GRM5: variants seen among roughly 807,000 people sequenced by gnomAD.
GRM5 encodes the protein metabotropic glutamate receptor 5.
GRM5 carries 19 observed loss-of-function variants against 83.1 expected under a neutral mutation model. The ratio of observed to expected loss-of-function variants is 0.23; its 90% CI spans 0.16 to 0.34. The LOEUF is 0.34. Ranked by LOEUF, GRM5 falls within the 10% of genes least tolerant of loss-of-function variation. The pLI is 1.00. For synonymous variants in GRM5, 675 were observed against 633.6 expected (o/e 1.07, Z -0.98); for missense variants, 1,160 against 1,588.3 (o/e 0.73, Z 4.58).
chr11:88,962,917 C>G (rs1447415179), intron 2 of GRM5, among the ~76,000 whole-genome samples: 1 of 152,104 alleles, frequency 6.6e-6, no homozygotes, highest in African/African-American at 2.4e-5. Context: ...GGTGAAACCT[C>G]GTCTCTACTA....
intron 2 of GRM5, among the ~76,000 whole-genome samples, chr11:89,036,263 T>C (rs1290557342): frequency 2.0e-5 from 3 of 152,072 alleles, no homozygotes; most frequent in African/African-American, 7.2e-5. Context: ...TTTGTACTTA[T>C]GCCAAAGCAA....
rs58861739 is a variant in GRM5 at position 88,923,965 on chromosome 11, T to A, written c.662-73810A>T. Among the ~76,000 whole-genome samples, 302 of 150,778 alleles carry A rather than the reference T, an allele frequency of 2.0e-3. 12 individuals are homozygous for A. The East Asian group carries it at 0.052, about 26-fold the overall frequency. On this transcript the variant is annotated intron_variant, in intron 2 of 9. Transcript: ENST00000305447. ...AAAATAAAAAAATTAAAGGGAAAAA[T>A]AAATAAATACTAAAAATGGGCAAAA...
chr11:88,530,332 C>T (rs1192273832), intron 8 of GRM5, among the ~76,000 whole-genome samples: 2 of 151,994 alleles, frequency 1.3e-5, no homozygotes, highest in African/African-American at 2.4e-5. Context: ...ACAGCTTTGA[C>T]ACTTTAGTTT....
intron 3 of GRM5, among the ~76,000 whole-genome samples, chr11:88,758,045 C>T (rs1002335423): frequency 6.6e-6 from 1 of 152,126 alleles, no homozygotes; most frequent in African/African-American, 2.4e-5. Context: ...CCACCTTATA[C>T]CACAATCAAA....
At chr11:88,867,814 G>A (rs1412194638) in intron 2 of GRM5, among the ~76,000 whole-genome samples, 1 of 151,736 alleles carries the variant, frequency 6.6e-6, no homozygotes, top group Non-Finnish European at 1.5e-5. Flanking sequence ...TGGACTTCCA[G>A]CCTCTAAACT....
intron 2 of GRM5, among the ~76,000 whole-genome samples, chr11:88,974,243 C>T (rs1337073149): frequency 6.6e-6 from 1 of 152,046 alleles, no homozygotes; most frequent in Non-Finnish European, 1.5e-5. Flanking sequence ...CAGAACTATA[C>T]CCAACTGTGA....
chr11:89,012,543 A>T (rs1434968737), intron 2 of GRM5, among the ~76,000 whole-genome samples: 1 of 152,188 alleles, frequency 6.6e-6, no homozygotes, highest in Admixed American at 6.5e-5. Context: ...TTACCTTATG[A>T]CTCTACATTG....
At chr11:88,929,045 G>C (rs1341663890) in intron 2 of GRM5, among the ~76,000 whole-genome samples, 1 of 151,778 alleles carries the variant, frequency 6.6e-6, no homozygotes, top group Non-Finnish European at 1.5e-5. Flanking sequence ...CCAAAAAAGT[G>C]GTCAAGTAAA....
chr11:88,772,405 T>A (rs1942756871), intron 3 of GRM5, among the ~76,000 whole-genome samples: 1 of 151,926 alleles, frequency 6.6e-6, no homozygotes. Flanking sequence ...ATCATGTACT[T>A]TTTTTATTTT....
At chr11:88,847,578 C>T (rs1449916795) in intron 3 of GRM5, among the ~76,000 whole-genome samples, 3 of 152,028 alleles carry the variant, frequency 2.0e-5, no homozygotes, top group East Asian at 3.9e-4. Flanking sequence ...GAAAGAGCAT[C>T]ACGTTACTTT....
intron 3 of GRM5, among the ~76,000 whole-genome samples, chr11:88,845,988 T>C (rs1944298446): frequency 6.6e-6 from 1 of 152,218 alleles, no homozygotes; most frequent in Non-Finnish European, 1.5e-5. Context: ...TTTCTTACAG[T>C]AAGTTCTTAT....
chr11:88,652,494 A>G (rs1275412625), intron 4 of GRM5, among the ~76,000 whole-genome samples: 1 of 151,984 alleles, frequency 6.6e-6, no homozygotes, highest in African/African-American at 2.4e-5. Context: ...TTCAATTGCA[A>G]TTTTTGTTGG....
At chr11:88,563,643 A>C (rs1315793433) in intron 8 of GRM5, among the ~76,000 whole-genome samples, 3 of 152,180 alleles carry the variant, frequency 2.0e-5, no homozygotes, top group African/African-American at 7.2e-5. Flanking sequence ...TTATTTACCT[A>C]TTTAAGCCCA....
At chr11:88,522,037 G>A (rs986265320) in intron 9 of GRM5, among the ~76,000 whole-genome samples, 2 of 152,182 alleles carry the variant, frequency 1.3e-5, no homozygotes, top group Non-Finnish European at 2.9e-5. Context: ...ATGAGATGCA[G>A]AGTGACACTC....
intron 3 of GRM5, among the ~76,000 whole-genome samples, chr11:88,781,548 G>T (rs539558221): frequency 6.6e-6 from 1 of 152,232 alleles, no homozygotes; most frequent in South Asian, 2.1e-4. Context: ...TTCCAGGCAG[G>T]CTGATTGTCC....
chr11:88,597,110 T>G, intron 6 of GRM5, 74 bp downstream of exon 6: 1 of 955,808 alleles, frequency 1.0e-6, no homozygotes, highest in South Asian at 2.0e-5. Context: ...GTCTAAAATT[T>G]TTAAAAATAG....
At chr11:88,914,528 G>T (rs1334309700) in intron 2 of GRM5, among the ~76,000 whole-genome samples, 2 of 152,164 alleles carry the variant, frequency 1.3e-5, no homozygotes, top group African/African-American at 4.8e-5. Context: ...GAGGCAGCAA[G>T]AACAGTTAGA....
chr11:88,737,080 T>C lies in GRM5; in HGVS notation c.912-83677A>G, dbSNP rs898722222. On this transcript the variant is annotated intron_variant, in intron 3 of 9. Coordinates refer to ENST00000305447, the MANE Select transcript of GRM5 (RefSeq NM_001143831.3). ...AGGTCACTAGAGGAAGAAGGAGAAA[T>C]TGAATCACACATACTGTGTTGAGAC... 2.6e-5 allele frequency among the ~76,000 whole-genome samples: 4 copies of C among 152,016 alleles called. No individual in the cohort carries two copies. The South Asian group carries it at 8.3e-4, about 32-fold the overall frequency.
At chr11:88,541,667 C>T (rs1942271006) in intron 8 of GRM5, among the ~76,000 whole-genome samples, 1 of 152,124 alleles carries the variant, frequency 6.6e-6, no homozygotes, top group Non-Finnish European at 1.5e-5. Context: ...TTATGAATAA[C>T]TTATATAACT....
Sources: allele counts gnomAD v4.1 joint callset (sites outside exome capture counted in the v4.1 genomes callset), GRCh38; gene constraint gnomAD v4.1.1; transcripts MANE v1.5; gene names NCBI Gene and HGNC (gene_info 2026-07-23, HGNC 2026-07-21).